THSD4: variants seen among roughly 807,000 people sequenced by gnomAD.
The protein encoded by THSD4 is thrombospondin type 1 domain containing 4.
In THSD4, 69 loss-of-function variants were observed where a neutral mutation model predicts 119.0. The ratio of observed to expected loss-of-function variants is 0.58; its 90% confidence interval spans 0.48 to 0.71. The LOEUF is 0.71. THSD4 is among the 30% of genes least tolerant of loss of function. The pLI is 0.00. For synonymous variants in THSD4, 524 were observed against 540.4 expected, an observed-to-expected ratio of 0.97 and a Z score of 0.42; for missense variants, 1,393 against 1,391.1, an observed-to-expected ratio of 1.00 and a Z score of -0.02.
Position 71,215,057 on chromosome 15 carries a change from A to C in THSD4, c.122A>C (p.Glu41Ala). The change falls in exon 4 of 18, where the codon GAG (glutamate) becomes GCG (alanine). Residue 41 changes from glutamate (E) to alanine (A), a missense_variant. Glu to Ala is a moderately radical substitution (Grantham distance 107). Coordinates refer to ENST00000261862, the MANE Select transcript of THSD4 (RefSeq NM_024817.3). Reference protein sequence around the residue: ...HRKVPQRMAAEGAPEDDGGGG... With the variant: ...HRKVPQRMAAAGAPEDDGGGG... ...CAGGTCCCGCAGCGGATGGCGGCGG[A>C]GGGCGCCCCCGAGGACGACGGCGGC... The C allele has an allele frequency of 7.7e-7, 1 of 1,291,846 alleles. No homozygotes were observed. Among genetic ancestry groups the C allele is most frequent in the Non-Finnish European group, 9.8e-7 (1 of 1,015,696 alleles). 80.0% of individuals were successfully genotyped at this position (1,291,846 alleles called of 1,614,324 possible).
chr15:71,764,581 T>A (rs535875836), intron 15 of THSD4, among the ~76,000 whole-genome samples: 1 of 152,270 alleles, frequency 6.6e-6, no homozygotes, highest in African/African-American at 2.4e-5. Flanking sequence ...GTGTGCAGAG[T>A]GTAGGAGTTC....
chr15:71,207,999 A>G (rs2043859299), intron 3 of THSD4, among the ~76,000 whole-genome samples: 2 of 152,194 alleles, frequency 1.3e-5, no homozygotes, highest in South Asian at 2.1e-4. Flanking sequence ...CACATCAGAG[A>G]GCAATTGCAC....
intron 7 of THSD4, among the ~76,000 whole-genome samples, chr15:71,569,194 C>T (rs2049301183): frequency 6.6e-6 from 1 of 152,142 alleles, no homozygotes; most frequent in South Asian, 2.1e-4. Flanking sequence ...AGATTCTGCC[C>T]TCTGATATTC....
chr15:71,774,518 G>A (rs1036214237), intron 17 of THSD4, among the ~76,000 whole-genome samples: 1 of 152,070 alleles, frequency 6.6e-6, no homozygotes, highest in African/African-American at 2.4e-5. Flanking sequence ...TTTTTGAAGA[G>A]AATTTTATCA....
At position 71,665,303 on chromosome 15, in the gene THSD4, G is replaced by A. The variant is rs7183762; in HGVS notation, c.1357+4569G>A. 3.3e-3 allele frequency among the ~76,000 whole-genome samples: 503 copies of A among 151,726 alleles called. 2 individuals are homozygous for A. The highest frequency in any genetic ancestry group is 0.012 in the African/African-American group (478 of 41,366). On this transcript the variant is annotated intron_variant, in intron 8 of 17. Transcript: ENST00000261862. ...CCATACATACGTCATCTTTTGAAAA[G>A]TATGTCTTCTGTTCATGTCTTTTGC...
At chr15:71,297,828 G>C (rs936649871) in intron 6 of THSD4, among the ~76,000 whole-genome samples, 1 of 152,074 alleles carries the variant, frequency 6.6e-6, no homozygotes, top group African/African-American at 2.4e-5. Context: ...AGTTTTGAGA[G>C]TTTTTTTGTG....
At chr15:71,616,811 A>T (rs1385197171) in intron 7 of THSD4, among the ~76,000 whole-genome samples, 2 of 152,218 alleles carry the variant, frequency 1.3e-5, no homozygotes, top group African/African-American at 4.8e-5. Flanking sequence ...ATCTCCAAGC[A>T]TCTGTGACTG....
intron 7 of THSD4, among the ~76,000 whole-genome samples, chr15:71,489,807 G>A (rs990997179): frequency 7.1e-6 from 1 of 140,112 alleles, no homozygotes; most frequent in Non-Finnish European, 1.5e-5. Context: ...TCAGAAGTCC[G>A]CTGCTGTCAT....
rs2141152447 is a variant in THSD4, at chr15:71,737,900, A to G, written c.1799A>G (p.His600Arg). The change falls in exon 11 of 18, where the codon CAT (histidine) becomes CGT (arginine). Residue 600 changes from histidine (H) to arginine (R), a missense_variant. Physicochemically the swap from His to Arg is conservative, Grantham distance 29 (BLOSUM62 0). Transcript: ENST00000261862. The stretch of plus-strand genomic sequence containing the variant: ...AGGCATCCAGACAGATTTTCTCCCC[A>G]TCGACCGGACAACTTGGTGCCACCA... ...PVRHPDRFSP[H>R]RPDNLVPPAP... The G allele has an allele frequency of 6.2e-7, 1 of 1,614,264 alleles. No homozygotes were observed. Among genetic ancestry groups the G allele is most frequent in the Non-Finnish European group, 8.5e-7 (1 of 1,180,046 alleles).
intron 6 of THSD4, among the ~76,000 whole-genome samples, chr15:71,270,758 G>C (rs2044518771): frequency 1.3e-5 from 2 of 150,572 alleles, no homozygotes; most frequent in Admixed American, 6.7e-5. Context: ...GGAAATAACT[G>C]AGAAAATAAG....
At chr15:71,312,897 C>T (rs948272737) in intron 6 of THSD4, among the ~76,000 whole-genome samples, 2 of 152,172 alleles carry the variant, frequency 1.3e-5, no homozygotes, top group Non-Finnish European at 2.9e-5. Flanking sequence ...TGTCATACCT[C>T]ACCACTCAAG....
At chr15:71,700,981 C>T (rs1050023012) in intron 8 of THSD4, among the ~76,000 whole-genome samples, 1 of 152,004 alleles carries the variant, frequency 6.6e-6, no homozygotes, top group Admixed American at 6.6e-5. Flanking sequence ...GACTTTCTGA[C>T]AAGAACTAAA....
intron 6 of THSD4, among the ~76,000 whole-genome samples, chr15:71,362,278 CA>C (rs1340918673): frequency 1.3e-5 from 2 of 151,838 alleles, no homozygotes; most frequent in African/African-American, 2.4e-5. Context: ...GACTAAGTCT[CA>C]AAAAAAATTA....
At chr15:71,584,559 A>G (rs985528968) in intron 7 of THSD4, among the ~76,000 whole-genome samples, 11 of 152,108 alleles carry the variant, frequency 7.2e-5, no homozygotes, top group African/African-American at 2.7e-4. Flanking sequence ...ATGAGCCACC[A>G]TGCCCAGCCT....
chr15:71,691,060 G>A (rs1301221982), intron 8 of THSD4, among the ~76,000 whole-genome samples: 1 of 152,204 alleles, frequency 6.6e-6, no homozygotes, highest in Non-Finnish European at 1.5e-5. Context: ...AGAAGGGGCA[G>A]GACGAAGAGT....
chr15:71,468,638 CAGTGATCTAAAGG>C (rs2047532477), intron 7 of THSD4, among the ~76,000 whole-genome samples: 1 of 152,132 alleles, frequency 6.6e-6, no homozygotes. Flanking sequence ...AAAATAATAG[CAGTGATCTAAAGG>C]AGTTTATTTC....
intron 6 of THSD4, among the ~76,000 whole-genome samples, chr15:71,316,653 A>T (rs891831324): frequency 6.6e-6 from 1 of 152,124 alleles, no homozygotes; most frequent in Admixed American, 6.5e-5. Context: ...GCCTAGATAC[A>T]ACTGAACCTG....
rs775374865 is a variant in THSD4 at position 71,748,555 on chromosome 15, C to T, written c.2376C>T (p.Pro792=). ...ACATTGAGAACTGCGACATGGGACCCTGTGCCAAGAGCTGGTTCCTCACCG... is the reference window on the plus strand; with the variant it reads ...ACATTGAGAACTGCGACATGGGACCTTGTGCCAAGAGCTGGTTCCTCACCG... ...PNDIENCDMG[P]CAKSWFLTEW... The change falls in exon 14 of 18, where the codon CCC becomes CCT. Residue 792 remains proline, a synonymous_variant. Transcript: ENST00000261862. 32 of 1,614,064 alleles carry T rather than the reference C, an allele frequency of 2.0e-5. No individual in the cohort carries two copies. Among genetic ancestry groups the T allele is most frequent in the Admixed American group, 6.7e-5 (4 of 60,000 alleles).
intron 4 of THSD4, among the ~76,000 whole-genome samples, chr15:71,235,747 G>T (rs374752499): frequency 6.6e-6 from 1 of 151,998 alleles, no homozygotes; most frequent in Non-Finnish European, 1.5e-5. Flanking sequence ...CACCCATCAC[G>T]CCTGGCCAAT....
Sources: gnomAD v4.1 joint callset for allele counts (sites outside exome capture counted in the v4.1 genomes callset) on GRCh38, gnomAD v4.1.1 for gene constraint, MANE v1.5 for transcripts, NCBI Gene and HGNC (gene_info 2026-07-23, HGNC 2026-07-21) for gene names.